APBA1: variants seen among roughly 807,000 people sequenced by gnomAD.
APBA1 encodes amyloid beta precursor protein binding family A member 1, also known as amyloid-beta A4 precursor protein-binding family A member 1.
Under a neutral mutation model 86.6 loss-of-function variants are expected in APBA1, and 55 were observed. The observed-to-expected ratio is 0.64, with a 90% CI of 0.51 to 0.80. APBA1 has a LOEUF of 0.80. Ranked by LOEUF, APBA1 falls within the 30% of genes least tolerant of loss-of-function variation. The probability of loss-of-function intolerance (pLI) is 0.00; values close to 1 mark genes in which losing one functional copy is unlikely to be tolerated. For missense variants in APBA1, 1,090 were observed against 1,183.0 expected (o/e 0.92, Z 1.15); for synonymous variants, 511 against 493.9 (o/e 1.03, Z -0.46).
At chr9:69,533,191 T>C (rs1218507899) in intron 1 of APBA1, among the ~76,000 whole-genome samples, 1 of 152,202 alleles carries the variant, frequency 6.6e-6, no homozygotes, top group African/African-American at 2.4e-5. Flanking sequence ...GGACAGGATA[T>C]ATATGTATTA....
At chr9:69,627,251 TG>T (rs1302376785) in intron 1 of APBA1, among the ~76,000 whole-genome samples, 1 of 152,168 alleles carries the variant, frequency 6.6e-6, no homozygotes, top group Non-Finnish European at 1.5e-5. Context: ...TTGTTGTTGT[TG>T]TCATCTTATT....
intron 2 of APBA1, among the ~76,000 whole-genome samples, chr9:69,512,046 A>C (rs990842276): frequency 6.6e-6 from 1 of 151,892 alleles, no homozygotes. Context: ...CACAATGTGC[A>C]CATGTACCCT....
chr9:69,551,178 C>T (rs538539665), intron 1 of APBA1, among the ~76,000 whole-genome samples: 5 of 152,292 alleles, frequency 3.3e-5, no homozygotes, highest in South Asian at 2.1e-4. Context: ...AATGAGGTCA[C>T]GGCTGCTTTG....
intron 1 of APBA1, among the ~76,000 whole-genome samples, chr9:69,570,199 T>C (rs1000371475): frequency 6.6e-6 from 1 of 152,198 alleles, no homozygotes; most frequent in Non-Finnish European, 1.5e-5. Flanking sequence ...TTCACTTTAA[T>C]ATAAAGTGTA....
intron 1 of APBA1, among the ~76,000 whole-genome samples, chr9:69,546,083 G>T (rs1365784150): frequency 1.3e-5 from 2 of 152,188 alleles, no homozygotes; most frequent in Non-Finnish European, 2.9e-5. Context: ...TTCAGACTGA[G>T]AATTCTTCAG....
intron 1 of APBA1, among the ~76,000 whole-genome samples, chr9:69,582,610 G>A (rs1238404693): frequency 6.6e-6 from 1 of 152,094 alleles, no homozygotes; most frequent in African/African-American, 2.4e-5. Context: ...GATTTGTCCT[G>A]CTTGCTCCTT....
intron 5 of APBA1, chr9:69,462,587 ATCT>A (rs1486012471): frequency 6.6e-6 from 1 of 152,194 alleles, no homozygotes; most frequent in Non-Finnish European, 1.5e-5. Context: ...AGTGAATGAA[ATCT>A]TCTTAGTGCA....
chr9:69,588,298 T>C (rs1822061212), intron 1 of APBA1, among the ~76,000 whole-genome samples: 1 of 151,726 alleles, frequency 6.6e-6, no homozygotes, highest in Non-Finnish European at 1.5e-5. Context: ...TTATTGACAG[T>C]GGGAGAATTA....
intron 10 of APBA1, among the ~76,000 whole-genome samples, chr9:69,442,274 T>G (rs913950910): frequency 2.0e-5 from 3 of 152,198 alleles, no homozygotes; most frequent in Admixed American, 6.5e-5. Flanking sequence ...CATGTTTGCA[T>G]GCTGGGGTAA....
At chr9:69,636,608 C>T (rs1343937049) in intron 1 of APBA1, among the ~76,000 whole-genome samples, 2 of 151,674 alleles carry the variant, frequency 1.3e-5, no homozygotes, top group Non-Finnish European at 2.9e-5. Context: ...CCAGCCTGGG[C>T]AACACAGTGA....
chr9:69,621,039 CA>C (rs1822806716), intron 1 of APBA1, among the ~76,000 whole-genome samples: 1 of 152,232 alleles, frequency 6.6e-6, no homozygotes, highest in African/African-American at 2.4e-5. Flanking sequence ...GCAAGTTACA[CA>C]ACCTCTCAGT....
intron 1 of APBA1, among the ~76,000 whole-genome samples, chr9:69,592,770 C>T (rs539644320): frequency 2.0e-5 from 3 of 151,990 alleles, no homozygotes; most frequent in Admixed American, 1.3e-4. Context: ...CCCAGCCATG[C>T]GGAACTCTGA....
At chr9:69,457,648 C>T (rs1835120571) in intron 6 of APBA1, among the ~76,000 whole-genome samples, 1 of 152,120 alleles carries the variant, frequency 6.6e-6, no homozygotes, top group Non-Finnish European at 1.5e-5. Flanking sequence ...AGTCCTGAAG[C>T]CACCCCATTA....
At chr9:69,483,049 G>C (rs1835544587) in intron 2 of APBA1, among the ~76,000 whole-genome samples, 1 of 149,084 alleles carries the variant, frequency 6.7e-6, no homozygotes, top group Admixed American at 6.7e-5. Context: ...CAGCGCACCA[G>C]CATGGCACAT....
chr9:69,638,458 C>T (rs2134005678), intron 1 of APBA1, among the ~76,000 whole-genome samples: 1 of 152,308 alleles, frequency 6.6e-6, no homozygotes, highest in South Asian at 2.1e-4. Flanking sequence ...CCAGGCTGAT[C>T]TCGAACTCCA....
chr9:69,612,398 TGATA>T (rs1822607995), intron 1 of APBA1, among the ~76,000 whole-genome samples: 1 of 152,030 alleles, frequency 6.6e-6, no homozygotes, highest in Non-Finnish European at 1.5e-5. Context: ...TTAAACTAAG[TGATA>T]GATACTCATT....
intron 1 of APBA1, among the ~76,000 whole-genome samples, chr9:69,638,791 C>T (rs1564099638): frequency 6.6e-6 from 1 of 152,000 alleles, no homozygotes; most frequent in Admixed American, 6.5e-5. Context: ...TGCCTCAGTG[C>T]CCATTCAGAA....
intron 1 of APBA1, among the ~76,000 whole-genome samples, chr9:69,597,048 A>G (rs1822242982): frequency 6.6e-6 from 1 of 152,244 alleles, no homozygotes; most frequent in African/African-American, 2.4e-5. Context: ...ATTCTGCTTG[A>G]GGCTGAAGGG....
chr9:69,496,101 A>G (rs1835790395), intron 2 of APBA1, among the ~76,000 whole-genome samples: 1 of 152,126 alleles, frequency 6.6e-6, no homozygotes, highest in Non-Finnish European at 1.5e-5. Flanking sequence ...AGAAAGGTCA[A>G]GACAAACATG....
Sources: allele counts gnomAD v4.1 joint callset (sites outside exome capture counted in the v4.1 genomes callset), GRCh38; gene constraint gnomAD v4.1.1; transcripts MANE v1.5; gene names NCBI Gene and HGNC (gene_info 2026-07-23, HGNC 2026-07-21).